Variants in ZMIZ1 observed in about 807,000 individuals in gnomAD.
ZMIZ1 encodes the protein zinc finger MIZ domain-containing protein 1.
A neutral mutation model predicts 113.9 loss-of-function variants in ZMIZ1; 17 were observed. The ratio of observed to expected loss-of-function variants is 0.15; its 90% CI spans 0.10 to 0.22. The LOEUF (loss-of-function observed/expected upper bound fraction) is 0.22. Ranked by LOEUF, ZMIZ1 falls within the 10% of genes least tolerant of loss-of-function variation. ZMIZ1 has a pLI of 1.00. For missense variants in ZMIZ1, 1,059 were observed against 1,477.8 expected (o/e 0.72, Z 4.65); for synonymous variants, 607 against 603.1 (o/e 1.01, Z -0.09).
chr10:79,187,227 A>C (rs1847385926), intron 4 of ZMIZ1, among the ~76,000 whole-genome samples: 1 of 152,250 alleles, frequency 6.6e-6, no homozygotes, highest in African/African-American at 2.4e-5. Context: ...CATGGAGTCC[A>C]GGGTCTGAGC....
intron 3 of ZMIZ1, among the ~76,000 whole-genome samples, chr10:79,153,567 G>A (rs1022425797): frequency 2.0e-5 from 3 of 152,234 alleles, no homozygotes; most frequent in Non-Finnish European, 4.4e-5. Flanking sequence ...ACCACCACTG[G>A]CTGTCCTTGC....
At chr10:79,211,743 C>A (rs1426962408) in intron 6 of ZMIZ1, among the ~76,000 whole-genome samples, 2 of 152,208 alleles carry the variant, frequency 1.3e-5, no homozygotes, top group African/African-American at 4.8e-5. Flanking sequence ...CCGGCACAAG[C>A]CCCGGGCCAC....
At chr10:79,142,039 G>T (rs568842707) in intron 3 of ZMIZ1, among the ~76,000 whole-genome samples, 1 of 152,342 alleles carries the variant, frequency 6.6e-6, no homozygotes, top group East Asian at 1.9e-4. Context: ...TGAATTAGAG[G>T]TGGAGGATTT....
chr10:79,074,408 T>A (rs1469471314), intron 1 of ZMIZ1, among the ~76,000 whole-genome samples: 3 of 152,202 alleles, frequency 2.0e-5, no homozygotes, highest in Non-Finnish European at 2.9e-5. Flanking sequence ...CCCTCCCATA[T>A]GGCAGCACAT....
chr10:79,183,497 C>A (rs1234541187), intron 4 of ZMIZ1, among the ~76,000 whole-genome samples: 1 of 152,124 alleles, frequency 6.6e-6, no homozygotes, highest in Non-Finnish European at 1.5e-5. Flanking sequence ...TGCTGCCTGC[C>A]CTAACAGGGT....
At chr10:79,312,028 C>T (rs1042564967) in intron 24 of ZMIZ1, among the ~76,000 whole-genome samples, 1 of 152,198 alleles carries the variant, frequency 6.6e-6, no homozygotes, top group Non-Finnish European at 1.5e-5. Context: ...GCCCAGTGTT[C>T]CCCCTCAAAC....
Position 79,172,236 on chromosome 10 carries a change from A to G in ZMIZ1, c.-50+10103A>G, listed in dbSNP as rs547176614. 7.4e-4 allele frequency among the ~76,000 whole-genome samples: 112 copies of G among 152,190 alleles called. 2 individuals are homozygous for G. In the South Asian group the frequency reaches 0.023, roughly 32 times the overall value. On this transcript the variant is annotated intron_variant, in intron 4 of 24. Coordinates refer to ENST00000334512, the MANE Select transcript of ZMIZ1 (RefSeq NM_020338.4). ...CACTGTGACACCTGACCAAGCAGGA[A>G]CATGGCGGGTGAGGACGCCTAGGGC...
At chr10:79,225,958 T>C (rs1283157460) in intron 7 of ZMIZ1, among the ~76,000 whole-genome samples, 1 of 152,186 alleles carries the variant, frequency 6.6e-6, no homozygotes, top group Non-Finnish European at 1.5e-5. Context: ...TAAAAAATAC[T>C]AAACTGGAAT....
chr10:79,201,530 C>A lies in ZMIZ1; in HGVS notation c.-49-54C>A, dbSNP rs1589416493. 16 of 1,370,322 alleles carry A rather than the reference C, an allele frequency of 1.2e-5. No individual in the cohort carries two copies. In the South Asian group the frequency reaches 1.7e-4, roughly 14 times the overall value. The allele number at this position is 1,370,322 out of a possible 1,614,324, so 84.9% of individuals were successfully genotyped here. ...GCCAGAGGGCAGTTGGGAGGCTGCT[C>A]AAGGTTGGCAGGCCTGGCGTGATCC... On this transcript the variant is annotated intron_variant, in intron 4 of 24. Coordinates refer to ENST00000334512, the MANE Select transcript of ZMIZ1 (RefSeq NM_020338.4).
intron 3 of ZMIZ1, among the ~76,000 whole-genome samples, chr10:79,156,882 C>T (rs1366639845): frequency 6.6e-6 from 1 of 152,220 alleles, no homozygotes; most frequent in Non-Finnish European, 1.5e-5. Context: ...CTGGGTTCAG[C>T]TCTGCTGTGC....
intron 7 of ZMIZ1, among the ~76,000 whole-genome samples, chr10:79,258,104 G>A (rs551834421): frequency 1.3e-4 from 20 of 152,304 alleles, no homozygotes; most frequent in South Asian, 1.0e-3. Context: ...TAAATGGGCC[G>A]GGCACGGTGG....
At chr10:79,244,466 G>A (rs756653675) in intron 7 of ZMIZ1, among the ~76,000 whole-genome samples, 2 of 152,324 alleles carry the variant, frequency 1.3e-5, no homozygotes, top group East Asian at 1.9e-4. Context: ...GGTGCGGTGG[G>A]CACCAGATAG....
chr10:79,085,038 C>T (rs1468137103), intron 1 of ZMIZ1, among the ~76,000 whole-genome samples: 1 of 152,304 alleles, frequency 6.6e-6, no homozygotes, highest in South Asian at 2.1e-4. Context: ...GCTGCCCGCT[C>T]CGCATTCTGG....
rs369018942 is a variant in ZMIZ1, at chr10:79,152,333, T to C, written c.-130-9720T>C. On this transcript the variant is annotated intron_variant, in intron 3 of 24. Coordinates refer to ENST00000334512, the MANE Select transcript of ZMIZ1 (RefSeq NM_020338.4). ...GGGCAACATGGCAAAACCCTGTCTC[T>C]ACAAAAAATATAAAAAATTAGCTGG... 8.5e-5 allele frequency among the ~76,000 whole-genome samples: 13 copies of C among 152,186 alleles called. No individual in the cohort carries two copies. In the South Asian group the frequency reaches 2.5e-3, roughly 29 times the overall value.
chr10:79,310,941 C>T lies in ZMIZ1; in HGVS notation c.2853C>T (p.Ser951=), dbSNP rs540504034. The change falls in exon 24 of 25, where the codon AGC becomes AGT. Residue 951 remains serine, a synonymous_variant. Coordinates refer to ENST00000334512, the MANE Select transcript of ZMIZ1 (RefSeq NM_020338.4). ...PMQETMPHAG[S]SDQPHPSIQQ... ...CTCCACAGATGCCACACGCTGGCAG[C>T]TCTGACCAGCCCCACCCCTCCATAC... is the stretch of plus-strand genomic sequence containing the variant. The T allele has an allele frequency of 1.9e-6, 3 of 1,613,596 alleles. No homozygotes were observed. Among genetic ancestry groups the T allele is most frequent in the East Asian group, 2.2e-5 (1 of 44,856 alleles).
Position 79,069,656 on chromosome 10 carries a change from C to A in ZMIZ1, c.-337+386C>A, listed in dbSNP as rs1041847473. Among the ~76,000 whole-genome samples the A allele has an allele frequency of 6.6e-6, 1 of 152,068 alleles. No individual in the cohort carries two copies. Reference sequence around the variant, plus strand: ...GGAATCGGAGGAGGGAGGGAAGGACCGCCTCGGTCTCCTTCGCCTCCTCTG... The same window carrying A: ...GGAATCGGAGGAGGGAGGGAAGGACAGCCTCGGTCTCCTTCGCCTCCTCTG... On this transcript the variant is annotated intron_variant, in intron 1 of 24. Coordinates refer to ENST00000334512, the MANE Select transcript of ZMIZ1 (RefSeq NM_020338.4). This position sits in a 1 kb window ranked among gnomAD's most constrained non-coding sequence, Gnocchi z 4.6.
intron 8 of ZMIZ1, among the ~76,000 whole-genome samples, chr10:79,284,072 T>A (rs1227557652): frequency 1.3e-5 from 2 of 152,064 alleles, no homozygotes; most frequent in Non-Finnish European, 2.9e-5. Flanking sequence ...AACTCAGCCC[T>A]CCCCCCGCGT....
At chr10:79,231,560 G>T (rs192884583) in intron 7 of ZMIZ1, among the ~76,000 whole-genome samples, 372 of 151,764 alleles carry the variant, frequency 2.5e-3, no homozygotes, top group African/African-American at 8.8e-3. Context: ...GCCTGGTGGG[G>T]GGTTTTGTTT....
intron 7 of ZMIZ1, among the ~76,000 whole-genome samples, chr10:79,253,353 G>A (rs575575977): frequency 2.4e-4 from 36 of 152,294 alleles, no homozygotes; most frequent in African/African-American, 5.3e-4. Context: ...AACACACTGG[G>A]TGTTGGGAGT....
Sources: allele counts gnomAD v4.1 joint callset (sites outside exome capture counted in the v4.1 genomes callset), GRCh38; gene constraint gnomAD v4.1.1; non-coding constraint Gnocchi (gnomAD v3.1); transcripts MANE v1.5; gene names NCBI Gene and HGNC (gene_info 2026-07-23, HGNC 2026-07-21).